RBFOX1: variants seen among roughly 807,000 people sequenced by gnomAD.
RBFOX1 encodes the protein RNA binding fox-1 homolog 1.
RBFOX1 carries 8 observed loss-of-function variants against 57.7 expected under a neutral mutation model. That is an observed-to-expected ratio of 0.14 (90% CI 0.08 to 0.25). The LOEUF is 0.25. RBFOX1 is among the 10% of genes least tolerant of loss of function. The pLI is 1.00. For synonymous variants in RBFOX1, 326 were observed against 222.4 expected, an observed-to-expected ratio of 1.47 and a Z score of -4.15; for missense variants, 611 against 548.5, an observed-to-expected ratio of 1.11 and a Z score of -1.14.
intron 11 of RBFOX1, among the ~76,000 whole-genome samples, chr16:7,642,089 T>A (rs2080973660): frequency 6.6e-6 from 1 of 152,122 alleles, no homozygotes; most frequent in African/African-American, 2.4e-5. Context: ...CACTCTAGCC[T>A]GGGGGAGACC....
At chr16:7,259,043 T>G (rs2094812179) in intron 4 of RBFOX1, among the ~76,000 whole-genome samples, 1 of 152,154 alleles carries the variant, frequency 6.6e-6, no homozygotes, top group African/African-American at 2.4e-5. Flanking sequence ...CGTCTACCTT[T>G]GAGAAAACTA....
At chr16:6,846,754 CA>C (rs746447653) in intron 3 of RBFOX1, among the ~76,000 whole-genome samples, 3 of 152,082 alleles carry the variant, frequency 2.0e-5, no homozygotes, top group Non-Finnish European at 4.4e-5. Flanking sequence ...AAAATTAGGT[CA>C]TTTGTCTTTG....
chr16:6,398,737 C>G (rs969641049), intron 2 of RBFOX1, among the ~76,000 whole-genome samples: 2 of 152,234 alleles, frequency 1.3e-5, no homozygotes, highest in East Asian at 1.9e-4. Flanking sequence ...ACCTTTCCAC[C>G]TGCTTTCATG....
chr16:7,558,877 G>GC (rs2089559118), intron 5 of RBFOX1, among the ~76,000 whole-genome samples: 1 of 152,236 alleles, frequency 6.6e-6, no homozygotes, highest in Non-Finnish European at 1.5e-5. Context: ...TCTGAAAAAT[G>GC]TAGATGGGAT....
chr16:6,313,690 C>T (rs906351286), intron 1 of RBFOX1, among the ~76,000 whole-genome samples: 4 of 152,148 alleles, frequency 2.6e-5, no homozygotes, highest in African/African-American at 7.2e-5. Context: ...CCTTCACTTG[C>T]AGCTCTTTAG....
At chr16:6,843,337 T>G (rs1320899139) in intron 3 of RBFOX1, among the ~76,000 whole-genome samples, 1 of 151,448 alleles carries the variant, frequency 6.6e-6, no homozygotes, top group Non-Finnish European at 1.5e-5. Flanking sequence ...AAACACATAT[T>G]CCAGGGAGGA....
intron 4 of RBFOX1, among the ~76,000 whole-genome samples, chr16:7,275,707 G>C (rs1434586846): frequency 6.6e-6 from 1 of 152,200 alleles, no homozygotes; most frequent in Non-Finnish European, 1.5e-5. Context: ...ATAGGTATGA[G>C]ATTAATAGGC....
At chr16:6,245,280 G>C (rs907261982) in intron 1 of RBFOX1, among the ~76,000 whole-genome samples, 3 of 152,038 alleles carry the variant, frequency 2.0e-5, no homozygotes, top group Admixed American at 6.6e-5. Context: ...TTTCTTGTAG[G>C]CTTTCATTGC....
At chr16:5,439,692 G>A (rs952846199) in intron 1 of RBFOX1, among the ~76,000 whole-genome samples, 15 of 152,076 alleles carry the variant, frequency 9.9e-5, no homozygotes, top group African/African-American at 3.4e-4. Flanking sequence ...TGATTCACCC[G>A]CCTTGACCTC....
intron 4 of RBFOX1, among the ~76,000 whole-genome samples, chr16:5,883,138 C>G (rs2057805186): frequency 6.6e-6 from 1 of 152,074 alleles, no homozygotes; most frequent in African/African-American, 2.4e-5. Flanking sequence ...TATATTCCCT[C>G]CATTCTTAGA....
chr16:6,256,143 G>GTATA (rs60580030), intron 1 of RBFOX1, among the ~76,000 whole-genome samples: 9 of 31,906 alleles, frequency 2.8e-4, no homozygotes, highest in African/African-American at 7.4e-4. Flanking sequence ...ATATATGTGT[G>GTATA]TATATATATA....
intron 1 of RBFOX1, among the ~76,000 whole-genome samples, chr16:5,315,125 C>T (rs1321734369): frequency 3.3e-5 from 5 of 152,084 alleles, no homozygotes; most frequent in South Asian, 4.2e-4. Flanking sequence ...ATTTGGAAGA[C>T]GCATAAAGTG....
intron 2 of RBFOX1, among the ~76,000 whole-genome samples, chr16:6,497,556 G>GTCTT (rs2095804317): frequency 3.1e-5 from 2 of 64,674 alleles, no homozygotes; most frequent in Admixed American, 3.0e-4. Context: ...GATTTTTGAA[G>GTCTT]TTTTTAAAAA....
chr16:5,954,865 G>A (rs1241138511), intron 4 of RBFOX1, among the ~76,000 whole-genome samples: 1 of 151,962 alleles, frequency 6.6e-6, no homozygotes, highest in Non-Finnish European at 1.5e-5. Context: ...GGGTGGACAG[G>A]TGGACTGAGT....
At chr16:5,546,095 A>G (rs2045193097) in intron 2 of RBFOX1, among the ~76,000 whole-genome samples, 1 of 152,200 alleles carries the variant, frequency 6.6e-6, no homozygotes, top group African/African-American at 2.4e-5. Flanking sequence ...ATAATAAGGA[A>G]TACATAGGGA....
chr16:6,763,458 G>A (rs1007487314), intron 3 of RBFOX1, among the ~76,000 whole-genome samples: 1 of 152,138 alleles, frequency 6.6e-6, no homozygotes, highest in African/African-American at 2.4e-5. Context: ...TCTTATTCAT[G>A]GATATTTCAC....
intron 2 of RBFOX1, among the ~76,000 whole-genome samples, chr16:5,522,405 T>G (rs1333934005): frequency 1.3e-5 from 2 of 152,234 alleles, no homozygotes; most frequent in Non-Finnish European, 2.9e-5. Flanking sequence ...GAAGCCACAT[T>G]TTTTAACTGA....
chr16:6,955,584 T>G (rs1297338993), intron 3 of RBFOX1, among the ~76,000 whole-genome samples: 1 of 152,234 alleles, frequency 6.6e-6, no homozygotes, highest in African/African-American at 2.4e-5. Context: ...ATATTGGTTT[T>G]ATATGCTGGT....
intron 1 of RBFOX1, among the ~76,000 whole-genome samples, chr16:5,318,904 G>A (rs900095908): frequency 2.0e-5 from 3 of 152,014 alleles, no homozygotes; most frequent in South Asian, 2.1e-4. Flanking sequence ...AGGCTGAGGC[G>A]GGCAGATGAT....
Sources: gnomAD v4.1 joint callset for allele counts (sites outside exome capture counted in the v4.1 genomes callset) on GRCh38, gnomAD v4.1.1 for gene constraint, MANE v1.5 for transcripts, NCBI Gene and HGNC (gene_info 2026-07-23, HGNC 2026-07-21) for gene names.